The following CASS4 variants were observed in gnomAD, a reference collection of about 807,000 sequenced individuals.
The protein encoded by CASS4 is Cas scaffold protein family member 4, also known as cas scaffolding protein family member 4.
In CASS4, 22 loss-of-function variants were observed where a neutral mutation model predicts 54.2. The ratio of observed to expected loss-of-function variants is 0.41; its 90% CI spans 0.29 to 0.58. The LOEUF is 0.58. CASS4 is among the 20% of genes least tolerant of loss of function. The probability of loss-of-function intolerance (pLI) is 0.36; values close to 1 mark genes in which losing one functional copy is unlikely to be tolerated. For missense variants in CASS4, 854 were observed against 986.7 expected (o/e 0.87, Z 1.80); for synonymous variants, 409 against 391.5 (o/e 1.04, Z -0.53).
chr20:56,438,415 A>C (rs560668526), intron 2 of CASS4, among the ~76,000 whole-genome samples: 6 of 145,582 alleles, frequency 4.1e-5, no homozygotes, highest in African/African-American at 1.6e-4. Context: ...TAGAAAACTC[A>C]AAGAGGCCTA....
chr20:56,436,433 A>AGT (rs771538684), intron 1 of CASS4, among the ~76,000 whole-genome samples: 95 of 149,896 alleles, frequency 6.3e-4, no homozygotes, highest in Non-Finnish European at 1.1e-3. Flanking sequence ...CGTCATATAT[A>AGT]GTGTGTGTGT....
chr20:56,416,416 G>C (rs765987665), intron 1 of CASS4, among the ~76,000 whole-genome samples: 1 of 152,132 alleles, frequency 6.6e-6, no homozygotes, highest in Admixed American at 6.5e-5. Context: ...CTTATTATAC[G>C]TAAGTTCTTA....
intron 1 of CASS4, among the ~76,000 whole-genome samples, chr20:56,429,098 C>A (rs1334110859): frequency 6.6e-6 from 1 of 152,212 alleles, no homozygotes. Flanking sequence ...GATTTCCATC[C>A]CAGGAACAGG....
chr20:56,458,743 G>A lies in CASS4; in HGVS notation c.2357G>A (p.Gly786Glu). The change falls in exon 6 of 6, where the codon GGA becomes GAA. Residue 786 changes from glycine (G) to glutamate (E), a missense_variant. By Grantham distance (98) the Gly-to-Glu change is moderately conservative. Coordinates refer to ENST00000679887, the MANE Select transcript of CASS4 (RefSeq NM_020356.4). ...QHTRQFRGTL[G>E] ...ACGCGGCAGTTCAGAGGGACACTGGGATGAGGACTGTCTACCTCCCTTCCT... is the reference window on the plus strand; with the variant it reads ...ACGCGGCAGTTCAGAGGGACACTGGAATGAGGACTGTCTACCTCCCTTCCT... The A allele has an allele frequency of 6.3e-7, 1 of 1,598,074 alleles. No homozygotes were observed. The highest frequency in any genetic ancestry group is 1.1e-5 in the South Asian group (1 of 89,748).
intron 2 of CASS4, among the ~76,000 whole-genome samples, chr20:56,441,993 G>A (rs563748121): frequency 8.9e-4 from 135 of 152,270 alleles, no homozygotes; most frequent in Admixed American, 1.6e-3. Flanking sequence ...TTAACCCTGA[G>A]GCTAAACCCG....
In CASS4 at chr20:56,458,416, G is replaced by C. The variant is rs1348816140; in HGVS notation, c.2030G>C (p.Arg677Pro). The C allele has an allele frequency of 6.2e-7, 1 of 1,613,854 alleles. No homozygotes were observed. The highest frequency in any genetic ancestry group is 8.5e-7 in the Non-Finnish European group (1 of 1,180,018). ...ERKPRLSEHC[R>P]LYFGALFKAI... is the part of the protein sequence containing the mutation. ...AAACCCCGCTTATCTGAACACTGCC[G>C]GCTCTACTTTGGGGCGCTCTTCAAA... The change falls in exon 6 of 6, where the codon CGG (arginine) becomes CCG (proline). Residue 677 changes from arginine to proline, a missense_variant. Physicochemically the swap from Arg to Pro is moderately radical, Grantham distance 103. Coordinates refer to ENST00000679887, the MANE Select transcript of CASS4 (RefSeq NM_020356.4).
Position 56,458,704 on chromosome 20 carries a change from A to G in CASS4, c.2318A>G (p.Lys773Arg), listed in dbSNP as rs199741474. ...ALGHLQAEAE[K>R]LEQHTRQFRG... is the part of the protein sequence containing the mutation. ...GGGCACCTCCAGGCGGAGGCTGAGA[A>G]GCTGGAGCAACACACGCGGCAGTTC... The change falls in exon 6 of 6, where the codon AAG becomes AGG. Residue 773 changes from lysine (K) to arginine (R), a missense_variant. Physicochemically the swap from Lys to Arg is conservative, Grantham distance 26. Coordinates refer to ENST00000679887, the MANE Select transcript of CASS4 (RefSeq NM_020356.4). The G allele has an allele frequency of 6.2e-5, 100 of 1,611,726 alleles. No homozygotes were observed. Among genetic ancestry groups the G allele is most frequent in the Non-Finnish European group, 8.3e-5 (98 of 1,179,348 alleles).
intron 1 of CASS4, among the ~76,000 whole-genome samples, chr20:56,422,649 G>C (rs988363019): frequency 2.0e-5 from 3 of 152,192 alleles, no homozygotes; most frequent in Non-Finnish European, 2.9e-5. Flanking sequence ...AGTAGGCAGT[G>C]CCTCCTACAG....
chr20:56,428,781 C>A (rs549512914), intron 1 of CASS4, among the ~76,000 whole-genome samples: 1 of 152,276 alleles, frequency 6.6e-6, no homozygotes, highest in East Asian at 1.9e-4. Flanking sequence ...CAATAGCAGG[C>A]TTCAGTCAGA....
chr20:56,435,241 A>C (rs943190477), intron 1 of CASS4, among the ~76,000 whole-genome samples: 2 of 152,230 alleles, frequency 1.3e-5, no homozygotes, highest in Non-Finnish European at 2.9e-5. Flanking sequence ...CAGAATAGAG[A>C]TATTAGGCAA....
intron 1 of CASS4, among the ~76,000 whole-genome samples, chr20:56,431,836 T>G (rs540268192): frequency 2.0e-5 from 3 of 152,356 alleles, no homozygotes; most frequent in African/African-American, 7.2e-5. Flanking sequence ...AAAGATTGCT[T>G]TAAATGTATT....
At chr20:56,451,770 CCT>C in intron 4 of CASS4, 47 bp from the exon 5 acceptor site, 1 of 1,418,028 alleles carries the variant, frequency 7.1e-7, no homozygotes, top group Non-Finnish European at 9.7e-7. Flanking sequence ...GCACTCGCGC[CCT>C]CTTTGGAAAG....
At chr20:56,431,551 C>G (rs185254952) in intron 1 of CASS4, among the ~76,000 whole-genome samples, 55 of 152,316 alleles carry the variant, frequency 3.6e-4, no homozygotes, top group African/African-American at 1.3e-3. Context: ...CTGAAGACAG[C>G]AGGTCAAAAT....
At position 56,430,380 on chromosome 20, in the gene CASS4, G is replaced by A. The variant is rs969888209; in HGVS notation, c.37-6784G>A. 1.3e-5 allele frequency among the ~76,000 whole-genome samples: 2 copies of A among 152,220 alleles called. No individual in the cohort carries two copies. The highest frequency in any genetic ancestry group is 1.9e-4 in the East Asian group (1 of 5,188). On this transcript the variant is annotated intron_variant, in intron 1 of 5. Coordinates refer to ENST00000679887, the MANE Select transcript of CASS4 (RefSeq NM_020356.4). This position sits in a 1 kb window ranked among gnomAD's most constrained non-coding sequence, Gnocchi z 4.2. Reference sequence around the variant, plus strand: ...GGGGGAAATGTCCTTTTTGGAAATCGTTTAAGAACATTTCTTCCATTGTAC... The same window carrying A: ...GGGGGAAATGTCCTTTTTGGAAATCATTTAAGAACATTTCTTCCATTGTAC...
Position 56,437,596 on chromosome 20 carries a change from C to A in CASS4, c.459+10C>A. On this transcript the variant is annotated intron_variant, in intron 2 of 5. Coordinates refer to ENST00000679887, the MANE Select transcript of CASS4 (RefSeq NM_020356.4). This position sits in a 1 kb window ranked among gnomAD's most constrained non-coding sequence, Gnocchi z 4.7. Reference sequence around the variant, plus strand: ...CAGCTTTCCAAAACAGGTACGCATACTTCCACCTACTAGACATGGGTTGAG... The same window carrying A: ...CAGCTTTCCAAAACAGGTACGCATAATTCCACCTACTAGACATGGGTTGAG... 1 of 1,521,462 alleles carries A rather than the reference C, an allele frequency of 6.6e-7. No homozygotes were observed. Among genetic ancestry groups the A allele is most frequent in the African/African-American group, 1.4e-5 (1 of 72,126 alleles). The allele number at this position is 1,521,462 out of a possible 1,614,324, so 94.2% of individuals were successfully genotyped here.
At chr20:56,450,082 A>G (rs1410386052) in intron 3 of CASS4, among the ~76,000 whole-genome samples, 1 of 150,460 alleles carries the variant, frequency 6.6e-6, no homozygotes. Context: ...CCCAGGCTGG[A>G]GCACAATGGT....
Position 56,452,154 on chromosome 20 carries a change from T to C in CASS4, c.978T>C (p.Asp326=). The change falls in exon 5 of 6, where the codon GAT becomes GAC. Residue 326 remains aspartate (D), a synonymous_variant. Coordinates refer to ENST00000679887, the MANE Select transcript of CASS4 (RefSeq NM_020356.4). ...GAGGCACATTTCCTTTGGATGAAGA[T>C]GTCAGCTACAAGGTTCCTTCAAGCT... ...VPRGTFPLDE[D]VSYKVPSSFL... is the part of the protein sequence containing the mutation. 1.2e-6 allele frequency: 2 copies of C among 1,614,222 alleles called. No homozygotes were observed. The highest frequency in any genetic ancestry group is 1.7e-6 in the Non-Finnish European group (2 of 1,180,044).
intron 2 of CASS4, among the ~76,000 whole-genome samples, chr20:56,443,934 G>A (rs761605770): frequency 1.3e-5 from 2 of 152,158 alleles, no homozygotes; most frequent in Admixed American, 1.3e-4. Context: ...GCTGGGCTTC[G>A]AGAGCCTAGG....
chr20:56,419,558 C>A (rs1979315570), intron 1 of CASS4, among the ~76,000 whole-genome samples: 1 of 152,162 alleles, frequency 6.6e-6, no homozygotes, highest in Non-Finnish European at 1.5e-5. Context: ...TCCCAAGTAG[C>A]TGGGGCTTCA....
Sources: gnomAD v4.1 joint callset for allele counts (sites outside exome capture counted in the v4.1 genomes callset) on GRCh38, gnomAD v4.1.1 for gene constraint, Gnocchi (gnomAD v3.1) non-coding constraint, MANE v1.5 for transcripts, NCBI Gene and HGNC (gene_info 2026-07-23, HGNC 2026-07-21) for gene names.